TFDP2: variants seen among roughly 807,000 people sequenced by gnomAD.
TFDP2 encodes the protein transcription factor Dp-2 (E2F dimerization partner 2).
Under a neutral mutation model 59.3 loss-of-function variants are expected in TFDP2, and 17 were observed. That is an observed-to-expected ratio of 0.29 (90% CI 0.20 to 0.43). The LOEUF (loss-of-function observed/expected upper bound fraction) is 0.43, where lower values mean the gene tolerates loss of function less well. Ranked by LOEUF, TFDP2 falls within the 20% of genes least tolerant of loss-of-function variation. The probability of loss-of-function intolerance (pLI) is 1.00; values close to 1 mark genes in which losing one functional copy is unlikely to be tolerated. For synonymous variants in TFDP2, 180 were observed against 194.7 expected, an observed-to-expected ratio of 0.92 and a Z score of 0.63; for missense variants, 391 against 528.8, an observed-to-expected ratio of 0.74 and a Z score of 2.56.
chr3:142,043,837 T>A, intron 3 of TFDP2: 1 of 1,503,836 alleles, frequency 6.6e-7, no homozygotes. Context: ...TCCCTTCACC[T>A]TCAGGTACAG....
intron 1 of TFDP2, among the ~76,000 whole-genome samples, chr3:142,146,632 T>C (rs1331964792): frequency 1.3e-5 from 2 of 152,204 alleles, no homozygotes; most frequent in Non-Finnish European, 1.5e-5. Context: ...ACTCTTAAAG[T>C]ACATGCTTTA....
rs533478891 is a variant in TFDP2 at position 141,956,944 on chromosome 3, C to CG, written c.1051+2729_1051+2730insC. ...CCTCCACCACCACCCTGCCCCACCC[C>CG]CCCCACAAAAATCACAGCGAGATAT... is the stretch of plus-strand genomic sequence containing the variant. On this transcript the variant is annotated intron_variant, in intron 11 of 12. Transcript: ENST00000489671. 5.8e-4 allele frequency among the ~76,000 whole-genome samples: 82 copies of CG among 141,304 alleles called. No homozygotes were observed. The East Asian group carries it at 0.016, about 27-fold the overall frequency. The allele number at this position is 141,304 out of a possible 152,430, so 92.7% of individuals were successfully genotyped here. A position where few individuals can be genotyped will look rare whatever the true frequency, so the allele number is the denominator to read the frequency against.
intron 3 of TFDP2, among the ~76,000 whole-genome samples, chr3:142,059,011 A>C (rs1215254235): frequency 6.6e-6 from 1 of 152,156 alleles, no homozygotes; most frequent in African/African-American, 2.4e-5. Flanking sequence ...TACAAAAGAC[A>C]CTCATTACTT....
intron 6 of TFDP2, among the ~76,000 whole-genome samples, chr3:141,986,291 G>A (rs1405232246): frequency 1.3e-5 from 2 of 152,094 alleles, no homozygotes; most frequent in African/African-American, 4.8e-5. Flanking sequence ...TTTCATTGAC[G>A]TACATAACAC....
Position 141,959,758 on chromosome 3 carries a change from C to T in TFDP2, c.967G>A (p.Gly323Ser). 1 of 1,614,090 alleles carries T rather than the reference C, an allele frequency of 6.2e-7. No individual in the cohort carries two copies. Among genetic ancestry groups the T allele is most frequent in the Non-Finnish European group, 8.5e-7 (1 of 1,179,998 alleles). ...AGAGAGCATTTGCCTGACTCCAGGC[C>T]AAACGACATTCCCATCCGCTTTAGT... ...EVLKRMGMSF[G>S]LESGKCSLED... The change falls in exon 11 of 13, where the codon GGC becomes AGC. Residue 323 changes from glycine to serine, a missense_variant. Physicochemically the swap from Gly to Ser is moderately conservative, Grantham distance 56. Around this residue, in one of 3 missense-constraint regions of TFDP2, gnomAD observed 223 missense variants for 292.5 expected, o/e 0.76. Coordinates refer to ENST00000489671, the MANE Select transcript of TFDP2 (RefSeq NM_001178139.2).
At chr3:142,031,070 A>AC (rs534137963) in intron 3 of TFDP2, among the ~76,000 whole-genome samples, 14 of 151,780 alleles carry the variant, frequency 9.2e-5, no homozygotes, top group South Asian at 8.3e-4. Flanking sequence ...ATAGGAGAGC[A>AC]CCCCCCCGGC....
intron 9 of TFDP2, among the ~76,000 whole-genome samples, chr3:141,968,623 GAT>G (rs1251819758): frequency 3.8e-5 from 3 of 77,978 alleles, no homozygotes; most frequent in East Asian, 3.2e-4. Context: ...CTCATATATA[GAT>G]ATATATAACA....
At chr3:142,109,904 G>T (rs906588850) in intron 1 of TFDP2, among the ~76,000 whole-genome samples, 1 of 151,988 alleles carries the variant, frequency 6.6e-6, no homozygotes, top group Non-Finnish European at 1.5e-5. Flanking sequence ...TAGAGGCAGG[G>T]TCTCACTCTG....
chr3:141,986,493 C>G (rs1408292657), intron 6 of TFDP2, among the ~76,000 whole-genome samples: 2 of 152,208 alleles, frequency 1.3e-5, no homozygotes, highest in African/African-American at 4.8e-5. Flanking sequence ...TTCATTCACA[C>G]TTTTCATGTG....
chr3:141,966,669 AT>A (rs1320540955), intron 9 of TFDP2, among the ~76,000 whole-genome samples: 1 of 151,578 alleles, frequency 6.6e-6, no homozygotes, highest in East Asian at 1.9e-4. Context: ...GTGTTCATTC[AT>A]TTTCCTATGC....
chr3:142,061,617 T>C (rs774796686), intron 3 of TFDP2, among the ~76,000 whole-genome samples: 8 of 152,056 alleles, frequency 5.3e-5, no homozygotes, highest in Non-Finnish European at 1.2e-4. Context: ...GACATTCATC[T>C]TTTCCTGCCT....
chr3:142,077,576 C>T (rs1220328651), intron 3 of TFDP2, among the ~76,000 whole-genome samples: 1 of 152,116 alleles, frequency 6.6e-6, no homozygotes, highest in Non-Finnish European at 1.5e-5. Flanking sequence ...ACACCATGGT[C>T]CAGAAGGGAA....
chr3:141,969,652 C>A (rs1378971398), intron 9 of TFDP2, among the ~76,000 whole-genome samples: 2 of 152,004 alleles, frequency 1.3e-5, no homozygotes, highest in Non-Finnish European at 2.9e-5. Flanking sequence ...CTATTTCATG[C>A]CATTCTGTCA....
At chr3:141,985,337 T>C (rs1413738468) in intron 6 of TFDP2, among the ~76,000 whole-genome samples, 1 of 151,928 alleles carries the variant, frequency 6.6e-6, no homozygotes, top group Non-Finnish European at 1.5e-5. Flanking sequence ...AAGACCAGGC[T>C]GGGCAACATA....
At chr3:142,066,074 A>G (rs762570653) in intron 3 of TFDP2, among the ~76,000 whole-genome samples, 1 of 152,124 alleles carries the variant, frequency 6.6e-6, no homozygotes, top group Non-Finnish European at 1.5e-5. Flanking sequence ...TCTTACTCTC[A>G]TCAAGAAAAG....
intron 3 of TFDP2, among the ~76,000 whole-genome samples, chr3:142,072,785 A>C (rs1450773309): frequency 1.3e-5 from 2 of 152,234 alleles, no homozygotes; most frequent in Non-Finnish European, 2.9e-5. Flanking sequence ...CCATGAGTCC[A>C]TACTAATCTA....
At chr3:141,976,865 CA>C (rs144559125) in intron 7 of TFDP2, among the ~76,000 whole-genome samples, 32 of 137,396 alleles carry the variant, frequency 2.3e-4, no homozygotes, top group Admixed American at 2.9e-4. Context: ...CAATGTAATC[CA>C]AAAAAAAAAG....
At chr3:142,091,944 GT>G (rs2061009188) in intron 3 of TFDP2, among the ~76,000 whole-genome samples, 1 of 151,982 alleles carries the variant, frequency 6.6e-6, no homozygotes, top group African/African-American at 2.4e-5. Context: ...TCTAGAGTAC[GT>G]CTCCCACCTT....
At chr3:142,104,937 AAG>A (rs1183917297) in intron 1 of TFDP2, among the ~76,000 whole-genome samples, 1 of 152,162 alleles carries the variant, frequency 6.6e-6, no homozygotes, top group African/African-American at 2.4e-5. Context: ...GTAGAGTGGA[AAG>A]AGTATGGACT....
Sources: allele counts gnomAD v4.1 joint callset (sites outside exome capture counted in the v4.1 genomes callset), GRCh38; gene constraint gnomAD v4.1.1; regional missense constraint gnomAD v4.1.1; transcripts MANE v1.5; gene names NCBI Gene and HGNC (gene_info 2026-07-23, HGNC 2026-07-21).